The following NPAS3 variants were observed in gnomAD, a reference collection of about 807,000 sequenced individuals.
The protein encoded by NPAS3 is neuronal PAS domain protein 3, also known as neuronal PAS domain-containing protein 3.
Under a neutral mutation model 73.1 loss-of-function variants are expected in NPAS3, and 14 were observed. The observed-to-expected ratio is 0.19, with a 90% CI of 0.13 to 0.30. The LOEUF (loss-of-function observed/expected upper bound fraction) is 0.30. Among genes scored for constraint, NPAS3 ranks in the 10% least tolerant of loss-of-function variants. NPAS3 has a pLI of 1.00. For synonymous variants in NPAS3, 620 were observed against 541.5 expected, an observed-to-expected ratio of 1.14 and a Z score of -2.01; for missense variants, 1,096 against 1,250.0, an observed-to-expected ratio of 0.88 and a Z score of 1.86.
At chr14:33,622,286 T>A (rs1014094573) in intron 5 of NPAS3, among the ~76,000 whole-genome samples, 1 of 151,878 alleles carries the variant, frequency 6.6e-6, no homozygotes, top group Non-Finnish European at 1.5e-5. Context: ...CGGATTTCCG[T>A]ATAGCTAACA....
At chr14:32,975,723 T>C (rs895653556) in intron 1 of NPAS3, among the ~76,000 whole-genome samples, 2 of 152,078 alleles carry the variant, frequency 1.3e-5, no homozygotes, top group Non-Finnish European at 2.9e-5. Flanking sequence ...CAACAGATCA[T>C]GAAGGATTGA....
intron 3 of NPAS3, among the ~76,000 whole-genome samples, chr14:33,297,496 T>C (rs919222091): frequency 6.6e-6 from 1 of 152,230 alleles, no homozygotes; most frequent in Admixed American, 6.5e-5. Flanking sequence ...GTTACTCTCA[T>C]TTATTGTTAT....
intron 3 of NPAS3, among the ~76,000 whole-genome samples, chr14:33,259,277 C>G (rs2048887813): frequency 6.6e-6 from 1 of 152,126 alleles, no homozygotes; most frequent in Non-Finnish European, 1.5e-5. Context: ...TTTTTTATCT[C>G]CTTCCGTCCA....
chr14:33,529,733 G>A (rs1005969414), intron 4 of NPAS3, among the ~76,000 whole-genome samples: 56 of 151,686 alleles, frequency 3.7e-4, no homozygotes, highest in Non-Finnish European at 7.4e-5. Context: ...AGTGACCACC[G>A]TGAACATCCC....
At chr14:33,683,427 C>CAAAA (rs1176606241) in intron 6 of NPAS3, among the ~76,000 whole-genome samples, 1,850 of 77,466 alleles carry the variant, frequency 0.024, 127 homozygotes, top group African/African-American at 0.081. Context: ...TTCCTCATTT[C>CAAAA]AAAAAAAAAA....
At chr14:33,776,030 A>C (rs1193456201) in intron 8 of NPAS3, among the ~76,000 whole-genome samples, 1 of 152,218 alleles carries the variant, frequency 6.6e-6, no homozygotes, top group African/African-American at 2.4e-5. Context: ...TCAAAAGCCC[A>C]TGTAGTTAGC....
chr14:33,485,222 C>T lies in NPAS3; in HGVS notation c.469-74899C>T, dbSNP rs181433341. 1.1e-3 allele frequency among the ~76,000 whole-genome samples: 170 copies of T among 152,180 alleles called. 2 individuals are homozygous for T. The highest frequency in any genetic ancestry group is 8.7e-4 in the Non-Finnish European group (59 of 68,024). ...GCCTCATCTTTGTGTAAAAGTCTGC[C>T]GCATCCCAAATTATCACCAAGAATC... is the stretch of plus-strand genomic sequence containing the variant. On this transcript the variant is annotated intron_variant, in intron 4 of 11. Coordinates refer to ENST00000356141, the Ensembl canonical transcript of NPAS3.
chr14:33,470,682 C>T (rs2050740932), intron 4 of NPAS3, among the ~76,000 whole-genome samples: 1 of 152,096 alleles, frequency 6.6e-6, no homozygotes. Flanking sequence ...GGATCTTATA[C>T]CAGATGTTAA....
At chr14:33,218,331 G>T (rs1477877214) in intron 3 of NPAS3, among the ~76,000 whole-genome samples, 1 of 152,126 alleles carries the variant, frequency 6.6e-6, no homozygotes, top group Non-Finnish European at 1.5e-5. Flanking sequence ...CTCAAAAGTA[G>T]CTAGAAATAT....
At chr14:33,383,716 A>C (rs1429650751) in intron 4 of NPAS3, among the ~76,000 whole-genome samples, 2 of 152,202 alleles carry the variant, frequency 1.3e-5, no homozygotes, top group African/African-American at 2.4e-5. Context: ...GAATGCACCT[A>C]GGAGGAATAT....
intron 1 of NPAS3, among the ~76,000 whole-genome samples, chr14:32,977,204 G>A (rs114926478): frequency 5.3e-5 from 8 of 152,170 alleles, no homozygotes; most frequent in Middle Eastern, 3.4e-3. Flanking sequence ...GTATTTTGGA[G>A]CTGGCATCAA....
At chr14:33,241,672 A>C (rs1182046238) in intron 3 of NPAS3, among the ~76,000 whole-genome samples, 1 of 152,040 alleles carries the variant, frequency 6.6e-6, no homozygotes, top group Non-Finnish European at 1.5e-5. Context: ...GGGCTGTAGT[A>C]AATAATTTAG....
Position 33,544,820 on chromosome 14 carries a change from A to ATATT in NPAS3, c.469-15301_469-15300insTATT, listed in dbSNP as rs11377851. Among the ~76,000 whole-genome samples, 525 of 98,412 alleles carry ATATT rather than the reference A, an allele frequency of 5.3e-3. 28 individuals are homozygous for ATATT. The highest frequency in any genetic ancestry group is 0.023 in the Middle Eastern group (4 of 172). 64.6% of individuals were successfully genotyped at this position (98,412 alleles called of 152,430 possible). A position where few individuals can be genotyped will look rare whatever the true frequency, so the allele number is the denominator to read the frequency against. On this transcript the variant is annotated intron_variant, in intron 4 of 11. Coordinates refer to ENST00000356141, the Ensembl canonical transcript of NPAS3. Reference sequence around the variant, plus strand: ...TATATATATATATATATGTATATATAATATATATGTGTATATATATATTAT... The same window carrying ATATT: ...TATATATATATATATATGTATATATATATTATATATATGTGTATATATATATTAT...
chr14:33,035,136 A>G (rs765616671), intron 1 of NPAS3, among the ~76,000 whole-genome samples: 3 of 152,202 alleles, frequency 2.0e-5, no homozygotes, highest in Non-Finnish European at 4.4e-5. Context: ...TTCTGAATGT[A>G]TTTAGTGAAT....
At chr14:33,163,620 G>GTTTT (rs1555347674) in intron 2 of NPAS3, among the ~76,000 whole-genome samples, 21 of 96,058 alleles carry the variant, frequency 2.2e-4, no homozygotes, top group Non-Finnish European at 3.7e-4. Context: ...GAAGTGTTTT[G>GTTTT]TTGTTTTTTT....
intron 2 of NPAS3, among the ~76,000 whole-genome samples, chr14:33,127,080 T>C (rs529250038): frequency 1.0e-4 from 15 of 144,222 alleles, no homozygotes; most frequent in African/African-American, 3.7e-4. Context: ...CATTTATTGT[T>C]CCCTGCTTTT....
intron 4 of NPAS3, among the ~76,000 whole-genome samples, chr14:33,483,711 G>C (rs372828302): frequency 2.6e-5 from 4 of 152,304 alleles, no homozygotes; most frequent in Middle Eastern, 3.4e-3. Flanking sequence ...GAAACTAGTT[G>C]TCACCTCACA....
intron 6 of NPAS3, among the ~76,000 whole-genome samples, chr14:33,721,435 C>T (rs941234599): frequency 1.3e-5 from 2 of 152,024 alleles, no homozygotes; most frequent in Admixed American, 1.3e-4. Context: ...ATTAGATGTT[C>T]ATAATTTAAA....
intron 4 of NPAS3, among the ~76,000 whole-genome samples, chr14:33,522,632 C>T (rs574985567): frequency 4.6e-5 from 7 of 152,058 alleles, no homozygotes; most frequent in Admixed American, 2.6e-4. Flanking sequence ...CATTGGGGAC[C>T]GGAAAACCAC....
Sources: allele counts gnomAD v4.1 joint callset (sites outside exome capture counted in the v4.1 genomes callset), GRCh38; gene constraint gnomAD v4.1.1; transcripts MANE v1.5; gene names NCBI Gene and HGNC (gene_info 2026-07-23, HGNC 2026-07-21).